Variants in GALNT9 observed in about 807,000 individuals in gnomAD.
GALNT9 encodes GalNAc transferase 9.
GALNT9 carries 47 observed loss-of-function variants against 63.1 expected under a neutral mutation model. That is an observed-to-expected ratio of 0.75 (90% CI 0.59 to 0.95). The LOEUF is 0.95. GALNT9 is among the 40% of genes least tolerant of loss of function. The probability of loss-of-function intolerance (pLI) is 0.00; values close to 1 mark genes in which losing one functional copy is unlikely to be tolerated. For synonymous variants in GALNT9, 396 were observed against 365.7 expected (o/e 1.08, Z -0.94); for missense variants, 829 against 874.8 (o/e 0.95, Z 0.66).
At position 132,286,542 on chromosome 12, in the gene GALNT9, C is replaced by G; in HGVS notation, c.239-112G>C. ...GACGGCCGCTTCCCCCGGTACAAGC[C>G]CAGCAAACTCCCTGCAGATGGCAGG... is the stretch of plus-strand genomic sequence containing the variant. On this transcript the variant is annotated intron_variant, in intron 1 of 10. Transcript: ENST00000328957. The surrounding 1 kb of genome is among the most constrained non-coding windows in gnomAD (Gnocchi z 7.4). The G allele has an allele frequency of 7.1e-7, 1 of 1,416,974 alleles. No individual in the cohort carries two copies. The allele number at this position is 1,416,974 out of a possible 1,614,324, so 87.8% of individuals were successfully genotyped here. A position where few individuals can be genotyped will look rare whatever the true frequency, so the allele number is the denominator to read the frequency against.
chr12:132,197,750 G>GCCCCCCCCCCAACCCCC, intron 10 of GALNT9, 42 bp downstream of exon 10: 7 of 1,266,524 alleles, frequency 5.5e-6, no homozygotes, highest in African/African-American at 2.0e-5. Flanking sequence ...CAGCAGCCCT[G>GCCCCCCCCCCAACCCCC]CCCCGCCCCA....
rs572670919 is a variant in GALNT9 at position 132,222,133 on chromosome 12, T to C, written c.1078-18443A>G. 1.3e-4 allele frequency among the ~76,000 whole-genome samples: 20 copies of C among 152,242 alleles called. 1 individual carries two copies. The South Asian group carries it at 4.2e-3, about 32-fold the overall frequency. ...CATCGTCCACCATCTTAAAACCTGA[T>C]AAAGATCAGCAGCTTCCTCATGTGA... On this transcript the variant is annotated intron_variant, in intron 6 of 10. Transcript: ENST00000328957.
At chr12:132,224,551 ACAC>A in intron 6 of GALNT9, among the ~76,000 whole-genome samples, 1 of 19,868 alleles carries the variant, frequency 5.0e-5, no homozygotes, top group African/African-American at 2.3e-4. Context: ...CACACAACCC[ACAC>A]CCCACACAAC....
chr12:132,260,541 C>T (rs1879336623), intron 4 of GALNT9, among the ~76,000 whole-genome samples: 1 of 152,254 alleles, frequency 6.6e-6, no homozygotes, highest in Non-Finnish European at 1.5e-5. Flanking sequence ...GGCCGGACTT[C>T]TGCACCTTAG....
In GALNT9 at chr12:132,286,659, C is replaced by T. The variant is rs1348616792; in HGVS notation, c.239-229G>A. ...AAGAGGGAGGGATGAATGGGTGGTACATGAGGCGTTGAAGGCAGTGGACTC... is the reference window on the plus strand; with the variant it reads ...AAGAGGGAGGGATGAATGGGTGGTATATGAGGCGTTGAAGGCAGTGGACTC... On this transcript the variant is annotated intron_variant, in intron 1 of 10. Transcript: ENST00000328957. This position sits in a 1 kb window ranked among gnomAD's most constrained non-coding sequence, Gnocchi z 7.4. Among the ~76,000 whole-genome samples the T allele has an allele frequency of 6.6e-6, 1 of 152,160 alleles. No individual in the cohort carries two copies. Among genetic ancestry groups the T allele is most frequent in the Non-Finnish European group, 1.5e-5 (1 of 68,026 alleles).
At chr12:132,288,861 C>T (rs535649025) in intron 1 of GALNT9, among the ~76,000 whole-genome samples, 3 of 129,958 alleles carry the variant, frequency 2.3e-5, no homozygotes, top group Admixed American at 1.6e-4. Context: ...GCGTTGGACC[C>T]GGCAGGAGGG....
At chr12:132,221,051 CAAAA>C (rs550355613) in intron 6 of GALNT9, among the ~76,000 whole-genome samples, 1,875 of 70,990 alleles carry the variant, frequency 0.026, 47 homozygotes, top group Non-Finnish European at 0.033. Flanking sequence ...GAGATTGTGT[CAAAA>C]AAAAAAAAAA....
At chr12:132,260,067 GACC>G (rs1879317376) in intron 4 of GALNT9, among the ~76,000 whole-genome samples, 1 of 151,810 alleles carries the variant, frequency 6.6e-6, no homozygotes, top group African/African-American at 2.4e-5. Context: ...GTGCACTATG[GACC>G]CCGTAGGTGC....
chr12:132,222,291 T>TA (rs1349468747), intron 6 of GALNT9, among the ~76,000 whole-genome samples: 2 of 152,096 alleles, frequency 1.3e-5, no homozygotes, highest in Non-Finnish European at 2.9e-5. Context: ...AAAACGCACA[T>TA]ACCAGGCCAG....
chr12:132,235,480 AGAAG>A (rs1877969887), intron 6 of GALNT9, among the ~76,000 whole-genome samples: 1 of 151,950 alleles, frequency 6.6e-6, no homozygotes, highest in Non-Finnish European at 1.5e-5. Context: ...AGCTCAGAAG[AGAAG>A]GAAGCTGGGG....
In GALNT9 at chr12:132,327,707, G is replaced by A. The variant is rs560222644; in HGVS notation, c.238+1259C>T. 5.3e-5 allele frequency among the ~76,000 whole-genome samples: 8 copies of A among 152,262 alleles called. No homozygotes were observed. In the East Asian group the frequency reaches 1.4e-3, roughly 26 times the overall value. On this transcript the variant is annotated intron_variant, in intron 1 of 10. Transcript: ENST00000328957. This position sits in a 1 kb window ranked among gnomAD's most constrained non-coding sequence, Gnocchi z 4.3. The stretch of plus-strand genomic sequence containing the variant: ...CAGAGCTCACCAAGCACAGCTCTGC[G>A]GGAAAGTCAGGGATTCTGTGGGTGA...
Position 132,238,182 on chromosome 12 carries a change from G to T in GALNT9, c.1077+9728C>A, listed in dbSNP as rs1032847628. ...CTGATGCTTCCAAGGCTAAGGACGCGGGCAGGGGCTGCTCAGGACCCAGGA... is the reference window on the plus strand; with the variant it reads ...CTGATGCTTCCAAGGCTAAGGACGCTGGCAGGGGCTGCTCAGGACCCAGGA... On this transcript the variant is annotated intron_variant, in intron 6 of 10. Coordinates refer to ENST00000328957, the MANE Select transcript of GALNT9 (RefSeq NM_001122636.2). This position sits in a 1 kb window ranked among gnomAD's most constrained non-coding sequence, Gnocchi z 6.5. Among the ~76,000 whole-genome samples the T allele has an allele frequency of 2.0e-5, 3 of 152,196 alleles. No individual in the cohort carries two copies. Among genetic ancestry groups the T allele is most frequent in the Non-Finnish European group, 2.9e-5 (2 of 68,046 alleles).
intron 6 of GALNT9, among the ~76,000 whole-genome samples, chr12:132,224,764 CTGT>C: frequency 7.0e-6 from 1 of 143,786 alleles, no homozygotes; most frequent in African/African-American, 2.6e-5. Context: ...ACACCCCACA[CTGT>C]ACACACCCCA....
chr12:132,290,618 CA>C, intron 1 of GALNT9, among the ~76,000 whole-genome samples: 1 of 141,156 alleles, frequency 7.1e-6, no homozygotes, highest in East Asian at 2.1e-4. Context: ...ACAGCACCCA[CA>C]ACCACAGTGC....
intron 1 of GALNT9, among the ~76,000 whole-genome samples, chr12:132,306,609 C>A (rs367827573): frequency 3.3e-5 from 5 of 152,210 alleles, no homozygotes; most frequent in Non-Finnish European, 7.4e-5. Context: ...GCATTGCTGA[C>A]GGAGTGCCAT....
intron 1 of GALNT9, among the ~76,000 whole-genome samples, chr12:132,290,845 T>G (rs1327575353): frequency 2.8e-5 from 1 of 36,074 alleles, no homozygotes; most frequent in Non-Finnish European, 4.6e-5. Context: ...AGCGCACACG[T>G]CCACAGCACC....
At chr12:132,198,311 G>A (rs759185570) in intron 9 of GALNT9, among the ~76,000 whole-genome samples, 7 of 152,348 alleles carry the variant, frequency 4.6e-5, no homozygotes, top group South Asian at 2.1e-4. Flanking sequence ...ATGCAGTGCC[G>A]TGTGTGAGCG....
intron 1 of GALNT9, among the ~76,000 whole-genome samples, chr12:132,317,383 C>T (rs1326773129): frequency 2.0e-5 from 3 of 152,218 alleles, no homozygotes; most frequent in East Asian, 1.9e-4. Flanking sequence ...TCCTTCCACT[C>T]GCGTCCTCAC....
Position 132,306,102 on chromosome 12 carries a change from T to C in GALNT9, c.239-19672A>G, listed in dbSNP as rs183177021. 4.5e-3 allele frequency among the ~76,000 whole-genome samples: 688 copies of C among 152,246 alleles called. 5 individuals carry two copies. Among genetic ancestry groups the C allele is most frequent in the African/African-American group, 0.013 (522 of 41,546 alleles). On this transcript the variant is annotated intron_variant, in intron 1 of 10. Transcript: ENST00000328957. The stretch of plus-strand genomic sequence containing the variant: ...CCTGGGAGCCTGTGGGGACCACACG[T>C]TCTTGAGACCCTCCCCAAACCTGCC...
Sources: allele counts gnomAD v4.1 joint callset (sites outside exome capture counted in the v4.1 genomes callset), GRCh38; gene constraint gnomAD v4.1.1; non-coding constraint Gnocchi (gnomAD v3.1); transcripts MANE v1.5; gene names NCBI Gene and HGNC (gene_info 2026-07-23, HGNC 2026-07-21).